EYS: variants seen among roughly 807,000 people sequenced by gnomAD.
EYS encodes EGF-like photoreceptor maintenance factor, also known as protein eyes shut homolog.
EYS carries 250 observed loss-of-function variants against 282.1 expected under a neutral mutation model. The ratio of observed to expected loss-of-function variants is 0.89; its 90% CI spans 0.80 to 0.98. EYS has a LOEUF of 0.98. Among genes scored for constraint, EYS ranks in the 50% least tolerant of loss-of-function variants. The pLI is 0.00. For synonymous variants in EYS, 1,355 were observed against 1,282.9 expected, an observed-to-expected ratio of 1.06 and a Z score of -1.20; for missense variants, 4,016 against 3,709.0, an observed-to-expected ratio of 1.08 and a Z score of -2.15.
At chr6:65,512,042 T>C (rs1582397397) in intron 2 of EYS, among the ~76,000 whole-genome samples, 1 of 142,582 alleles carries the variant, frequency 7.0e-6, no homozygotes, top group Admixed American at 7.0e-5. Context: ...TTGTATATGA[T>C]AAATTGAAAT....
chr6:63,962,880 C>T (rs1297349638), intron 35 of EYS, among the ~76,000 whole-genome samples: 1 of 152,044 alleles, frequency 6.6e-6, no homozygotes, highest in Non-Finnish European at 1.5e-5. Context: ...CAACGATAGA[C>T]TGGATTAAGA....
At chr6:64,354,735 A>T (rs1323221425) in intron 29 of EYS, among the ~76,000 whole-genome samples, 1 of 151,592 alleles carries the variant, frequency 6.6e-6, no homozygotes, top group Non-Finnish European at 1.5e-5. Context: ...TATTTTTATT[A>T]CTAAATTCTA....
At chr6:64,931,724 T>C (rs372416861) in intron 15 of EYS, among the ~76,000 whole-genome samples, 1 of 152,112 alleles carries the variant, frequency 6.6e-6, no homozygotes, top group Admixed American at 6.6e-5. Flanking sequence ...CAGAATATTA[T>C]TTATCACCAT....
chr6:63,833,361 C>T (rs138636871), intron 36 of EYS, among the ~76,000 whole-genome samples: 1,880 of 152,272 alleles, frequency 0.012, 32 homozygotes, highest in African/African-American at 0.043. Flanking sequence ...TAAGCAACTT[C>T]GGCAAAGTTT....
chr6:65,049,073 C>A (rs1235213349), intron 13 of EYS, among the ~76,000 whole-genome samples: 1 of 151,712 alleles, frequency 6.6e-6, no homozygotes, highest in Non-Finnish European at 1.5e-5. Flanking sequence ...CTATATGTAT[C>A]CCATAAATCA....
Position 64,425,873 on chromosome 6 carries a change from T to C in EYS, c.5927+10301A>G, listed in dbSNP as rs144071709. Among the ~76,000 whole-genome samples the C allele has an allele frequency of 2.4e-3, 362 of 151,400 alleles. 2 individuals carry two copies. The highest frequency in any genetic ancestry group is 8.2e-3 in the African/African-American group (337 of 41,232). Reference sequence around the variant, plus strand: ...GAAAGGCCATGGAGGGATGTGTGAATGGGGAAGGAAGGAAGGAATGGAAAG... The same window carrying C: ...GAAAGGCCATGGAGGGATGTGTGAACGGGGAAGGAAGGAAGGAATGGAAAG... On this transcript the variant is annotated intron_variant, in intron 28 of 42. Coordinates refer to ENST00000503581, the MANE Select transcript of EYS (RefSeq NM_001142800.2).
intron 22 of EYS, among the ~76,000 whole-genome samples, chr6:64,630,578 G>A (rs1320527369): frequency 6.6e-6 from 1 of 152,148 alleles, no homozygotes; most frequent in Non-Finnish European, 1.5e-5. Flanking sequence ...TCTTGATCAA[G>A]TGTTAAAATA....
At chr6:65,169,978 A>C (rs966810495) in intron 12 of EYS, among the ~76,000 whole-genome samples, 7 of 151,562 alleles carry the variant, frequency 4.6e-5, no homozygotes, top group African/African-American at 1.7e-4. Context: ...GAAGAGAATA[A>C]GCACAGATTA....
At chr6:64,506,972 T>G (rs781177987) in intron 26 of EYS, among the ~76,000 whole-genome samples, 2 of 53,666 alleles carry the variant, frequency 3.7e-5, no homozygotes, top group Non-Finnish European at 6.4e-5. Flanking sequence ...CCAGTTTCAG[T>G]TTTTTTTTTT....
At chr6:65,231,139 A>ATG (rs757231939) in intron 12 of EYS, among the ~76,000 whole-genome samples, 130 of 54,286 alleles carry the variant, frequency 2.4e-3, no homozygotes, top group East Asian at 0.011. Context: ...TTTTATATAT[A>ATG]TACTTTTATA....
At chr6:64,599,503 T>G (rs1217788373) in intron 24 of EYS, among the ~76,000 whole-genome samples, 1 of 152,162 alleles carries the variant, frequency 6.6e-6, no homozygotes, top group Non-Finnish European at 1.5e-5. Flanking sequence ...ACAAGCAAAT[T>G]TACTAAATTA....
chr6:64,421,463 T>A (rs1774231118), intron 28 of EYS, among the ~76,000 whole-genome samples: 1 of 152,140 alleles, frequency 6.6e-6, no homozygotes, highest in African/African-American at 2.4e-5. Context: ...TAGGATGATG[T>A]CATTTCTCAT....
At chr6:63,981,240 T>C (rs1228882998) in intron 35 of EYS, among the ~76,000 whole-genome samples, 2 of 151,618 alleles carry the variant, frequency 1.3e-5, no homozygotes, top group Non-Finnish European at 3.0e-5. Context: ...AGCTGTAGGG[T>C]TGGGTATTGG....
At chr6:63,951,838 C>G (rs932607824) in intron 35 of EYS, among the ~76,000 whole-genome samples, 7 of 152,138 alleles carry the variant, frequency 4.6e-5, no homozygotes, top group Admixed American at 3.3e-4. Flanking sequence ...AAATAAAAAC[C>G]CAGCCCATTT....
chr6:64,584,445 T>G (rs973604724), intron 26 of EYS, among the ~76,000 whole-genome samples: 1 of 151,704 alleles, frequency 6.6e-6, no homozygotes, highest in Non-Finnish European at 1.5e-5. Flanking sequence ...TTTCTAAAAT[T>G]GAAATTATAT....
At chr6:64,372,832 T>A (rs922178539) in intron 29 of EYS, among the ~76,000 whole-genome samples, 1 of 152,138 alleles carries the variant, frequency 6.6e-6, no homozygotes, top group Non-Finnish European at 1.5e-5. Context: ...TGGTCAATTC[T>A]GCTGTTAAAG....
Position 64,642,945 on chromosome 6 carries a change from G to A in EYS, c.3444-16700C>T, listed in dbSNP as rs111576621. Among the ~76,000 whole-genome samples the A allele has an allele frequency of 3.6e-3, 549 of 152,226 alleles. 3 individuals carry two copies. The highest frequency in any genetic ancestry group is 4.6e-3 in the Non-Finnish European group (311 of 67,992). On this transcript the variant is annotated intron_variant, in intron 22 of 42. Coordinates refer to ENST00000503581, the MANE Select transcript of EYS (RefSeq NM_001142800.2). ...AGCATGACCAACATGGAGAAACCCC[G>A]TCTCTACTAGAAGTACAAAATTAGC...
At position 64,919,325 on chromosome 6, in the gene EYS, G is replaced by A. The variant is rs549601647; in HGVS notation, c.2382-6582C>T. Among the ~76,000 whole-genome samples the A allele has an allele frequency of 1.7e-3, 265 of 151,638 alleles. 2 individuals are homozygous for A. The highest frequency in any genetic ancestry group is 3.0e-3 in the Non-Finnish European group (201 of 67,874). The stretch of plus-strand genomic sequence containing the variant: ...TAGCTGGGATTACAGCCCTGCCATC[G>A]CACCCGGCTATTTTTTGTATTTTTA... On this transcript the variant is annotated intron_variant, in intron 15 of 42. Coordinates refer to ENST00000503581, the MANE Select transcript of EYS (RefSeq NM_001142800.2).
chr6:64,944,319 T>G (rs1426051703), intron 15 of EYS, among the ~76,000 whole-genome samples: 1 of 152,026 alleles, frequency 6.6e-6, no homozygotes, highest in African/African-American at 2.4e-5. Context: ...GATAAATAAT[T>G]TATGAGTGAG....
Sources: allele counts gnomAD v4.1 joint callset (sites outside exome capture counted in the v4.1 genomes callset), GRCh38; gene constraint gnomAD v4.1.1; transcripts MANE v1.5; gene names NCBI Gene and HGNC (gene_info 2026-07-23, HGNC 2026-07-21).